KIAA1958: variants seen among roughly 807,000 people sequenced by gnomAD.
KIAA1958 encodes KIAA1958, also known as uncharacterized protein KIAA1958.
KIAA1958 carries 14 observed loss-of-function variants against 47.2 expected under a neutral mutation model. The observed-to-expected ratio is 0.30, with a 90% CI of 0.20 to 0.46. The LOEUF (loss-of-function observed/expected upper bound fraction) is 0.46, where lower values mean the gene tolerates loss of function less well. KIAA1958 is among the 20% of genes least tolerant of loss of function. The probability of loss-of-function intolerance (pLI) is 1.00; values close to 1 mark genes in which losing one functional copy is unlikely to be tolerated. For synonymous variants in KIAA1958, 354 were observed against 353.3 expected (o/e 1.00, Z -0.02); for missense variants, 803 against 909.2 (o/e 0.88, Z 1.50).
intron 2 of KIAA1958, among the ~76,000 whole-genome samples, chr9:112,585,625 A>G (rs1480027286): frequency 1.3e-5 from 2 of 152,196 alleles, no homozygotes; most frequent in Non-Finnish European, 1.5e-5. Context: ...GGGTGACAGT[A>G]ATCCAGGTGG....
At chr9:112,579,934 C>T (rs545015040) in intron 2 of KIAA1958, among the ~76,000 whole-genome samples, 3 of 152,226 alleles carry the variant, frequency 2.0e-5, no homozygotes, top group Non-Finnish European at 2.9e-5. Context: ...GCTCAGACAG[C>T]ATCAAGTTTC....
intron 2 of KIAA1958, among the ~76,000 whole-genome samples, chr9:112,612,483 A>G (rs910898199): frequency 4.6e-5 from 7 of 152,218 alleles, no homozygotes; most frequent in Admixed American, 6.5e-5. Flanking sequence ...GTTCCTATAA[A>G]TCAATATTTT....
At chr9:112,502,851 T>A (rs1186312670) in intron 1 of KIAA1958, among the ~76,000 whole-genome samples, 2 of 152,252 alleles carry the variant, frequency 1.3e-5, no homozygotes, top group Non-Finnish European at 2.9e-5. Flanking sequence ...TTTAGAATAC[T>A]AAAAGATTGG....
At chr9:112,616,980 T>G (rs1455786852) in intron 2 of KIAA1958, among the ~76,000 whole-genome samples, 1 of 152,236 alleles carries the variant, frequency 6.6e-6, no homozygotes, top group East Asian at 1.9e-4. Flanking sequence ...ATCTGCATTT[T>G]GATCAAGCAT....
intron 3 of KIAA1958, among the ~76,000 whole-genome samples, chr9:112,649,073 A>T (rs1837019528): frequency 6.6e-6 from 1 of 152,242 alleles, no homozygotes; most frequent in South Asian, 2.1e-4. Context: ...ATAAATGCTT[A>T]TGCATATTTT....
chr9:112,556,810 G>A (rs1835249681), intron 1 of KIAA1958, among the ~76,000 whole-genome samples: 1 of 152,170 alleles, frequency 6.6e-6, no homozygotes, highest in South Asian at 2.1e-4. Context: ...ATCCTGAATG[G>A]GCAGGAGTGC....
intron 2 of KIAA1958, among the ~76,000 whole-genome samples, chr9:112,625,394 T>TC (rs939021121): frequency 7.2e-5 from 11 of 152,028 alleles, no homozygotes; most frequent in African/African-American, 2.2e-4. Context: ...ACTCAAGTGA[T>TC]CCCCCCACCT....
intron 1 of KIAA1958, among the ~76,000 whole-genome samples, chr9:112,487,484 C>T (rs550592354): frequency 1.3e-5 from 2 of 152,060 alleles, no homozygotes; most frequent in African/African-American, 4.8e-5. Context: ...TTGGGTCTGT[C>T]GGAGGTGGGA....
At chr9:112,517,045 G>A (rs765283905) in intron 1 of KIAA1958, among the ~76,000 whole-genome samples, 2 of 152,366 alleles carry the variant, frequency 1.3e-5, no homozygotes, top group South Asian at 4.1e-4. Context: ...GTGTGTTACA[G>A]TCTGTTTACA....
intron 2 of KIAA1958, among the ~76,000 whole-genome samples, chr9:112,635,575 A>G (rs1022655744): frequency 6.6e-6 from 1 of 152,018 alleles, no homozygotes; most frequent in African/African-American, 2.4e-5. Flanking sequence ...TGGGTATAAG[A>G]CTTTTCAAAC....
chr9:112,514,564 C>G (rs1414819116), intron 1 of KIAA1958, among the ~76,000 whole-genome samples: 4 of 9,356 alleles, frequency 4.3e-4, no homozygotes, highest in African/African-American at 2.9e-3. Flanking sequence ...CCACCCCGTC[C>G]GGGAGGGAGA....
chr9:112,628,647 A>G (rs530803918), intron 2 of KIAA1958, among the ~76,000 whole-genome samples: 38 of 152,310 alleles, frequency 2.5e-4, no homozygotes, highest in South Asian at 4.1e-4. Flanking sequence ...ATGATTAACA[A>G]TTTAGCAGTG....
intron 3 of KIAA1958, among the ~76,000 whole-genome samples, chr9:112,656,991 A>G (rs1837162949): frequency 6.6e-6 from 1 of 152,168 alleles, no homozygotes; most frequent in African/African-American, 2.4e-5. Flanking sequence ...AAAAAGTCAG[A>G]CCTGCTAGAA....
At chr9:112,522,715 T>C (rs1211435166) in intron 1 of KIAA1958, among the ~76,000 whole-genome samples, 1 of 152,196 alleles carries the variant, frequency 6.6e-6, no homozygotes, top group Non-Finnish European at 1.5e-5. Flanking sequence ...CCATCCTTGG[T>C]TATAGTCAAA....
chr9:112,574,908 C>A lies in KIAA1958; in HGVS notation c.828C>A (p.Ile276=). The change falls in exon 2 of 4, where the codon ATC becomes ATA. Residue 276 remains isoleucine (I), a synonymous_variant. Coordinates refer to ENST00000337530, the MANE Select transcript of KIAA1958 (RefSeq NM_133465.4). ...PHGMSASPSV[I]SRPIVQKTAR... is the part of the protein sequence containing the mutation. ...GTATGTCTGCATCCCCCTCTGTGAT[C>A]TCCAGACCAATTGTCCAGAAGACTG... is the stretch of plus-strand genomic sequence containing the variant. The A allele has an allele frequency of 6.2e-7, 1 of 1,614,034 alleles. No homozygotes were observed. The highest frequency in any genetic ancestry group is 8.5e-7 in the Non-Finnish European group (1 of 1,179,968).
At chr9:112,507,108 G>A (rs1381915997) in intron 1 of KIAA1958, among the ~76,000 whole-genome samples, 1 of 150,124 alleles carries the variant, frequency 6.7e-6, no homozygotes, top group East Asian at 2.0e-4. Flanking sequence ...GTAGAGGGAA[G>A]GAGGCCATAC....
intron 2 of KIAA1958, among the ~76,000 whole-genome samples, chr9:112,625,247 G>C (rs192489916): frequency 5.9e-5 from 9 of 152,120 alleles, no homozygotes; most frequent in African/African-American, 2.2e-4. Context: ...GAACTCCTGG[G>C]CTCAAGCAAT....
At chr9:112,522,440 G>C (rs1834563180) in intron 1 of KIAA1958, among the ~76,000 whole-genome samples, 1 of 152,178 alleles carries the variant, frequency 6.6e-6, no homozygotes, top group African/African-American at 2.4e-5. Context: ...CCTCTAAGTA[G>C]CTCTGGGCCT....
intron 1 of KIAA1958, among the ~76,000 whole-genome samples, chr9:112,550,051 T>C (rs1333102523): frequency 2.0e-5 from 3 of 152,214 alleles, no homozygotes; most frequent in Non-Finnish European, 4.4e-5. Context: ...CTGAGTTTAA[T>C]GTGGCTGGAG....
Sources: allele counts gnomAD v4.1 joint callset (sites outside exome capture counted in the v4.1 genomes callset), GRCh38; gene constraint gnomAD v4.1.1; transcripts MANE v1.5; gene names NCBI Gene and HGNC (gene_info 2026-07-23, HGNC 2026-07-21).